The following ANK2 variants were observed in gnomAD, a reference collection of about 807,000 sequenced individuals.
The protein encoded by ANK2 is ankyrin 2, also known as ankyrin-2.
ANK2 carries 83 observed loss-of-function variants against 360.5 expected under a neutral mutation model. The ratio of observed to expected loss-of-function variants is 0.23; its 90% CI spans 0.19 to 0.28. The LOEUF is 0.28. ANK2 is among the 10% of genes least tolerant of loss of function. The probability of loss-of-function intolerance (pLI) is 1.00; values close to 1 mark genes in which losing one functional copy is unlikely to be tolerated. For synonymous variants in ANK2, 1,740 were observed against 1,759.5 expected, an observed-to-expected ratio of 0.99 and a Z score of 0.28; for missense variants, 4,201 against 4,795.7, an observed-to-expected ratio of 0.88 and a Z score of 3.66.
intron 19 of ANK2, 86 bp downstream of exon 19, chr4:113,287,789 G>A: frequency 9.2e-7 from 1 of 1,089,948 alleles, no homozygotes; most frequent in Non-Finnish European, 1.4e-6. Context: ...CATGTCCAGG[G>A]TCTTCCCTCC....
intron 1 of ANK2, among the ~76,000 whole-genome samples, chr4:113,089,732 G>A (rs1225581593): frequency 6.6e-6 from 1 of 152,140 alleles, no homozygotes; most frequent in Non-Finnish European, 1.5e-5. Flanking sequence ...GCTGAGGCAG[G>A]AGAATCGCTT....
chr4:113,043,535 G>A (rs2063494040), intron 2 of ANK2, among the ~76,000 whole-genome samples: 1 of 152,054 alleles, frequency 6.6e-6, no homozygotes, highest in African/African-American at 2.4e-5. Context: ...CCTCCCCAAA[G>A]CACTGGGATT....
chr4:112,738,727 A>G, the ANK2 span: 26 of 617,276 alleles, frequency 4.2e-5, no homozygotes, highest in South Asian at 3.5e-4. Flanking sequence ...AGAACCAAGA[A>G]GTTCATCCGG....
At chr4:112,760,332 G>C in the ANK2 span, among the ~76,000 whole-genome samples, 6 of 151,802 alleles carry the variant, frequency 4.0e-5, no homozygotes, top group African/African-American at 1.2e-4. Context: ...GACTACAGGC[G>C]CCTGCTACCA....
chr4:113,254,373 G>A (rs1229511506), intron 10 of ANK2, among the ~76,000 whole-genome samples: 1 of 152,056 alleles, frequency 6.6e-6, no homozygotes, highest in Non-Finnish European at 1.5e-5. Flanking sequence ...GTAAATATGC[G>A]TAAAATCAAC....
chr4:113,351,001 T>A (rs1474001677), intron 37 of ANK2, among the ~76,000 whole-genome samples: 5 of 152,132 alleles, frequency 3.3e-5, no homozygotes, highest in African/African-American at 1.2e-4. Flanking sequence ...TGACAGACCT[T>A]AAAAGAGCTA....
At chr4:112,711,506 G>C in the ANK2 span, among the ~76,000 whole-genome samples, 1,354 of 152,144 alleles carry the variant, frequency 8.9e-3, 22 homozygotes, top group African/African-American at 0.031. Flanking sequence ...CTGCATGACA[G>C]TGAGACCCTG....
intron 19 of ANK2, 29 bp downstream of exon 19, chr4:113,287,732 C>A: frequency 6.4e-7 from 1 of 1,567,580 alleles, no homozygotes; most frequent in Non-Finnish European, 8.8e-7. Flanking sequence ...AGTATTGTGA[C>A]AGGTTCTGGC....
intron 1 of ANK2, among the ~76,000 whole-genome samples, chr4:113,172,934 G>A (rs959599393): frequency 3.9e-5 from 6 of 152,170 alleles, no homozygotes; most frequent in Admixed American, 1.3e-4. Context: ...ATTTAAAAAC[G>A]AGTCACAGTT....
chr4:113,327,573 T>C (rs1023520268), intron 26 of ANK2, among the ~76,000 whole-genome samples: 1 of 152,220 alleles, frequency 6.6e-6, no homozygotes, highest in South Asian at 2.1e-4. Context: ...GACTGCCTGC[T>C]AAGTGCTCCA....
chr4:113,102,819 T>C (rs970996735), intron 1 of ANK2, among the ~76,000 whole-genome samples: 8 of 152,128 alleles, frequency 5.3e-5, no homozygotes, highest in Non-Finnish European at 1.0e-4. Context: ...CTAGATATCC[T>C]CCTCTTTATT....
chr4:112,749,480 A>G, the ANK2 span, among the ~76,000 whole-genome samples: 7 of 152,174 alleles, frequency 4.6e-5, no homozygotes, highest in African/African-American at 1.4e-4. Flanking sequence ...GAGGAAAGTT[A>G]TATTCAGAAA....
At chr4:113,228,834 A>G (rs1279919960) in intron 4 of ANK2, among the ~76,000 whole-genome samples, 2 of 152,170 alleles carry the variant, frequency 1.3e-5, no homozygotes, top group Non-Finnish European at 2.9e-5. Flanking sequence ...TTTTTAAATT[A>G]AAAACTACAT....
chr4:112,861,869 A>AGAGAGAGAGAG (rs773734914), intron 1 of ANK2, among the ~76,000 whole-genome samples: 2,133 of 69,192 alleles, frequency 0.031, 28 homozygotes, highest in Non-Finnish European at 0.044. Context: ...GAGAGAGAGA[A>AGAGAGAGAGAG]ACTCTCACAG....
chr4:112,899,720 A>G (rs79334191), intron 1 of ANK2, among the ~76,000 whole-genome samples: 14,237 of 152,042 alleles, frequency 0.094, 1,274 homozygotes, highest in East Asian at 0.31. Flanking sequence ...GCCAGAGCAA[A>G]TTTTCAAATA....
chr4:113,355,582 A>G lies in ANK2; in HGVS notation c.6964A>G (p.Lys2322Glu). ...TLGSPKDTSP[K>E]RQDDCTGSCS... The stretch of plus-strand genomic sequence containing the variant: ...AGGCTCTCCCAAAGACACAAGCCCT[A>G]AAAGACAAGATGATTGCACAGGCAG... Residue 2322 changes from lysine (K) to glutamate (E), a missense_variant, in exon 38 of 46, where the codon AAA (lysine) becomes GAA (glutamate). Physicochemically the swap from Lys to Glu is moderately conservative, Grantham distance 56. This residue lies in a region of ANK2 where 2,642 missense variants were observed against 2,714.5 expected (regional missense o/e 0.97). Coordinates refer to ENST00000357077, the MANE Select transcript of ANK2 (RefSeq NM_001148.6). 6.2e-7 allele frequency: 1 copy of G among 1,614,142 alleles called. No individual in the cohort carries two copies. Among genetic ancestry groups the G allele is most frequent in the Non-Finnish European group, 8.5e-7 (1 of 1,179,990 alleles).
chr4:113,155,850 A>G (rs1455016099), intron 1 of ANK2, among the ~76,000 whole-genome samples: 1 of 152,234 alleles, frequency 6.6e-6, no homozygotes, highest in African/African-American at 2.4e-5. Context: ...GACAATAAAT[A>G]TATGACTAAG....
At chr4:113,066,322 G>A (rs1427695379) in intron 1 of ANK2, among the ~76,000 whole-genome samples, 4 of 152,130 alleles carry the variant, frequency 2.6e-5, no homozygotes, top group East Asian at 3.9e-4. Flanking sequence ...CTCTTATTAC[G>A]AAGGGTTACT....
At chr4:112,982,486 CAT>C (rs1463994155) in intron 2 of ANK2, among the ~76,000 whole-genome samples, 2 of 152,104 alleles carry the variant, frequency 1.3e-5, no homozygotes, top group African/African-American at 4.8e-5. Context: ...TTTAAAAACA[CAT>C]AGTTATTGCT....
Sources: allele counts gnomAD v4.1 joint callset (sites outside exome capture counted in the v4.1 genomes callset), GRCh38; gene constraint gnomAD v4.1.1; regional missense constraint gnomAD v4.1.1; transcripts MANE v1.5; gene names NCBI Gene and HGNC (gene_info 2026-07-23, HGNC 2026-07-21).